The following PREPL variants were observed in gnomAD, a reference collection of about 807,000 sequenced individuals.
PREPL encodes the protein prolyl endopeptidase-like.
A neutral mutation model predicts 70.6 loss-of-function variants in PREPL; 77 were observed. The observed-to-expected ratio is 1.09, with a 90% CI of 0.91 to 1.32. The LOEUF is 1.32. Ranked by LOEUF, PREPL falls within the 40% of genes most tolerant of loss-of-function variation. The pLI is 0.00. For missense variants in PREPL, 1,002 were observed against 778.2 expected, an observed-to-expected ratio of 1.29 and a Z score of -3.42; for synonymous variants, 315 against 264.8, an observed-to-expected ratio of 1.19 and a Z score of -1.84.
chr2:44,354,198 G>T (rs1402813083), intron 1 of PREPL, among the ~76,000 whole-genome samples: 1 of 152,054 alleles, frequency 6.6e-6, no homozygotes, highest in Non-Finnish European at 1.5e-5. Flanking sequence ...CCTAAAGAAA[G>T]AGCTCAGATG....
chr2:44,356,055 A>G (rs1677009553), intron 1 of PREPL, among the ~76,000 whole-genome samples: 1 of 152,174 alleles, frequency 6.6e-6, no homozygotes, highest in South Asian at 2.1e-4. Context: ...AGTATAATAG[A>G]GTAAGTTCAT....
chr2:44,334,969 G>C (rs939642535), intron 7 of PREPL, among the ~76,000 whole-genome samples: 1 of 152,140 alleles, frequency 6.6e-6, no homozygotes, highest in Non-Finnish European at 1.5e-5. Context: ...TTTGTCTTTC[G>C]TGTATGGATG....
intron 2 of PREPL, among the ~76,000 whole-genome samples, chr2:44,345,212 C>G (rs1170504103): frequency 6.6e-6 from 1 of 152,092 alleles, no homozygotes; most frequent in Non-Finnish European, 1.5e-5. Flanking sequence ...ATTTCAGTGG[C>G]TTACGTTTAT....
intron 10 of PREPL, among the ~76,000 whole-genome samples, chr2:44,323,990 T>C (rs1673240750): frequency 6.6e-6 from 1 of 152,238 alleles, no homozygotes; most frequent in Non-Finnish European, 1.5e-5. Context: ...CACAGCAGCA[T>C]ATTCACAACA....
intron 1 of PREPL, among the ~76,000 whole-genome samples, chr2:44,353,831 C>T (rs1481732629): frequency 6.6e-6 from 1 of 151,858 alleles, no homozygotes; most frequent in Non-Finnish European, 1.5e-5. Flanking sequence ...TAAAGTTGTA[C>T]CCCAATCCCT....
chr2:44,360,928 G>A (rs754781903), intron 1 of PREPL, among the ~76,000 whole-genome samples: 1 of 152,104 alleles, frequency 6.6e-6, no homozygotes, highest in Non-Finnish European at 1.5e-5. Flanking sequence ...GATCAGATGC[G>A]CTACGACGCC....
intron 1 of PREPL, among the ~76,000 whole-genome samples, chr2:44,354,597 G>T (rs1676812238): frequency 1.3e-5 from 2 of 150,642 alleles, no homozygotes; most frequent in African/African-American, 4.9e-5. Context: ...TTTTGAGATG[G>T]AGCCTCGCTC....
intron 6 of PREPL, among the ~76,000 whole-genome samples, chr2:44,338,856 T>C (rs561379625): frequency 1.3e-5 from 2 of 152,356 alleles, no homozygotes; most frequent in South Asian, 4.1e-4. Context: ...CTGAGATCAA[T>C]CCAAATTGCC....
rs370296906 is a variant in PREPL at position 44,343,801 on chromosome 2, A to G, written c.293T>C (p.Ile98Thr). 8 of 1,614,076 alleles carry G rather than the reference A, an allele frequency of 5.0e-6. No individual in the cohort carries two copies. Among genetic ancestry groups the G allele is most frequent in the Middle Eastern group, 1.6e-4 (1 of 6,062 alleles). ...CATTACGGGCTGATCGCTGAGCTTT[A>G]TAATTACACAGGTAGATGCTTCAGA... ...EDSEASTCVI[I>T]KLSDQPVMEA... Residue 98 changes from isoleucine (I) to threonine (T), a missense_variant, in exon 4 of 14, where the codon ATA becomes ACA. By Grantham distance (89) the Ile-to-Thr change is moderately conservative. Coordinates refer to ENST00000409411, the MANE Select transcript of PREPL (RefSeq NM_001171613.2).
At chr2:44,326,563 C>T in intron 10 of PREPL, 149 bp downstream of exon 10, 1 of 730,732 alleles carries the variant, frequency 1.4e-6, no homozygotes, top group South Asian at 1.7e-5. Context: ...GTCTCGAGCT[C>T]CTGGTAAGCA....
chr2:44,359,399 T>G, intron 1 of PREPL: 3 of 961,062 alleles, frequency 3.1e-6, no homozygotes, highest in Non-Finnish European at 4.7e-6. Flanking sequence ...TTAGAATTAC[T>G]GAGAAAATTA....
rs371299047 is a variant in PREPL, at chr2:44,326,780, C to T, written c.1411G>A (p.Ala471Thr). The T allele has an allele frequency of 2.5e-6, 4 of 1,614,052 alleles. No individual in the cohort carries two copies. Among genetic ancestry groups the T allele is most frequent in the Non-Finnish European group, 3.4e-6 (4 of 1,180,040 alleles). The stretch of plus-strand genomic sequence containing the variant: ...AATGCTCCTGCAAGCACCCCTCCAG[C>T]ACTGAAAGCAGTCAGGGTTGTTAGA... The part of the protein sequence containing the change: ...PSLTTLTAFS[A>T]GGVLAGALCN... Residue 471 changes from alanine (A) to threonine (T), a missense_variant, in exon 10 of 14, where the codon GCT (alanine) becomes ACT (threonine). Ala to Thr is a moderately conservative substitution (Grantham distance 58). Coordinates refer to ENST00000409411, the MANE Select transcript of PREPL (RefSeq NM_001171613.2).
chr2:44,336,883 G>A (rs1674695621), intron 7 of PREPL, among the ~76,000 whole-genome samples: 1 of 152,050 alleles, frequency 6.6e-6, no homozygotes, highest in South Asian at 2.1e-4. Flanking sequence ...GGGAGTAGCT[G>A]GAGATTTCAG....
intron 2 of PREPL, among the ~76,000 whole-genome samples, chr2:44,345,908 G>T (rs112797115): frequency 0.051 from 7,791 of 152,202 alleles, 243 homozygotes; most frequent in South Asian, 0.12. Context: ...TTGGGAGGCT[G>T]AGGTGGGAGG....
intron 7 of PREPL, among the ~76,000 whole-genome samples, chr2:44,334,533 G>A (rs1674440874): frequency 6.6e-6 from 1 of 152,022 alleles, no homozygotes; most frequent in South Asian, 2.1e-4. Context: ...TTACATTTCT[G>A]TTGCTAAGAT....
At chr2:44,341,016 A>G (rs540409292) in intron 5 of PREPL, among the ~76,000 whole-genome samples, 2 of 151,618 alleles carry the variant, frequency 1.3e-5, no homozygotes, top group Non-Finnish European at 2.9e-5. Context: ...TTAACTATTT[A>G]CAATAGTTTT....
intron 5 of PREPL, among the ~76,000 whole-genome samples, chr2:44,340,502 T>C (rs1479277628): frequency 6.6e-6 from 1 of 152,230 alleles, no homozygotes; most frequent in African/African-American, 2.4e-5. Flanking sequence ...GCTTATAGTT[T>C]GGTAAAATTT....
chr2:44,342,686 G>T, intron 4 of PREPL, 134 bp from the exon 5 acceptor site: 1 of 710,964 alleles, frequency 1.4e-6, no homozygotes. Flanking sequence ...CTAAATATTT[G>T]ACTGTATCTA....
intron 8 of PREPL, 117 bp downstream of exon 8, chr2:44,332,342 G>C (rs1674200274): frequency 2.3e-6 from 2 of 853,796 alleles, no homozygotes; most frequent in Admixed American, 5.3e-5. Context: ...GTATTACTGT[G>C]GTCTAAGAAA....
Sources: allele counts gnomAD v4.1 joint callset (sites outside exome capture counted in the v4.1 genomes callset), GRCh38; gene constraint gnomAD v4.1.1; transcripts MANE v1.5; gene names NCBI Gene and HGNC (gene_info 2026-07-23, HGNC 2026-07-21).